The following PLEKHA5 variants were observed in gnomAD, a reference collection of about 807,000 sequenced individuals.
PLEKHA5 encodes pleckstrin homology domain-containing family A member 5.
PLEKHA5 carries 55 observed loss-of-function variants against 181.9 expected under a neutral mutation model. That is an observed-to-expected ratio of 0.30 (90% CI 0.24 to 0.38). PLEKHA5 has a LOEUF of 0.38. Among genes scored for constraint, PLEKHA5 ranks in the 10% least tolerant of loss-of-function variants. The pLI, the probability that PLEKHA5 is intolerant of heterozygous loss-of-function variation, is 1.00. For synonymous variants in PLEKHA5, 535 were observed against 529.4 expected, an observed-to-expected ratio of 1.01 and a Z score of -0.15; for missense variants, 1,432 against 1,549.5, an observed-to-expected ratio of 0.92 and a Z score of 1.27.
At chr12:19,342,692 A>G (rs1446963088) in intron 21 of PLEKHA5, among the ~76,000 whole-genome samples, 1 of 152,078 alleles carries the variant, frequency 6.6e-6, no homozygotes, top group East Asian at 1.9e-4. Flanking sequence ...CAGCAGAATC[A>G]CTTGCGCCCA....
chr12:19,367,113 T>G (rs1165659729), intron 30 of PLEKHA5, among the ~76,000 whole-genome samples: 1 of 152,078 alleles, frequency 6.6e-6, no homozygotes, highest in African/African-American at 2.4e-5. Flanking sequence ...CTGGAACTCC[T>G]GACCTCCAGT....
At chr12:19,224,950 A>G (rs1032088559) in intron 3 of PLEKHA5, among the ~76,000 whole-genome samples, 4 of 152,126 alleles carry the variant, frequency 2.6e-5, no homozygotes, top group African/African-American at 4.8e-5. Flanking sequence ...ATAGTGTGCT[A>G]TTGTGACTGT....
intron 15 of PLEKHA5, chr12:19,307,366 G>C: frequency 1.4e-5 from 4 of 278,730 alleles, no homozygotes; most frequent in Non-Finnish European, 2.7e-5. Flanking sequence ...CAAATACTTA[G>C]GAGGCTGAGG....
chr12:19,238,660 A>C (rs1397971717), intron 3 of PLEKHA5, among the ~76,000 whole-genome samples: 1 of 152,130 alleles, frequency 6.6e-6, no homozygotes. Context: ...GTGATGATGA[A>C]TTGGAATATT....
Position 19,310,831 on chromosome 12 carries a change from G to A in PLEKHA5, c.2038-3983G>A, listed in dbSNP as rs543056647. On this transcript the variant is annotated intron_variant, in intron 15 of 31. Transcript: ENST00000429027. ...TGCCTGTAAAAGTAATGATTATACT[G>A]TATTCTGTTAAATGTGCAATAGCAT... Among the ~76,000 whole-genome samples the A allele has an allele frequency of 5.3e-5, 8 of 152,098 alleles. 1 individual carries two copies. In the East Asian group the frequency reaches 1.2e-3, roughly 22 times the overall value.
At chr12:19,221,838 G>A (rs192029477) in intron 3 of PLEKHA5, among the ~76,000 whole-genome samples, 135 of 152,204 alleles carry the variant, frequency 8.9e-4, no homozygotes, top group African/African-American at 3.1e-3. Flanking sequence ...GAAAGTCTGG[G>A]GAACTATCAT....
chr12:19,244,598 C>G (rs1295532051), intron 3 of PLEKHA5, among the ~76,000 whole-genome samples: 2 of 152,180 alleles, frequency 1.3e-5, no homozygotes, highest in African/African-American at 4.8e-5. Context: ...TTCTATTTTT[C>G]TTAAACTAAA....
At chr12:19,246,911 G>A (rs911492355) in intron 3 of PLEKHA5, among the ~76,000 whole-genome samples, 36 of 151,916 alleles carry the variant, frequency 2.4e-4, no homozygotes, top group Non-Finnish European at 4.0e-4. Flanking sequence ...CACTTTTATG[G>A]GCTTTTATTA....
intron 3 of PLEKHA5, among the ~76,000 whole-genome samples, chr12:19,147,983 T>A (rs1262891010): frequency 6.8e-6 from 1 of 146,866 alleles, no homozygotes; most frequent in Admixed American, 7.0e-5. Context: ...GCCATTCTCT[T>A]GCCTTGGCCT....
intron 3 of PLEKHA5, among the ~76,000 whole-genome samples, chr12:19,217,513 A>G (rs1356051600): frequency 6.6e-6 from 1 of 152,176 alleles, no homozygotes; most frequent in African/African-American, 2.4e-5. Context: ...ATTGTGGGAT[A>G]AGGTAGGGAT....
At chr12:19,310,105 A>G (rs986533626) in intron 15 of PLEKHA5, among the ~76,000 whole-genome samples, 4 of 152,176 alleles carry the variant, frequency 2.6e-5, no homozygotes, top group African/African-American at 4.8e-5. Context: ...GTAAATCTGT[A>G]TTACCTGTTA....
chr12:19,193,046 A>C (rs543407409), intron 3 of PLEKHA5, among the ~76,000 whole-genome samples: 1 of 152,184 alleles, frequency 6.6e-6, no homozygotes, highest in Non-Finnish European at 1.5e-5. Flanking sequence ...AATATTTACT[A>C]TCTGGTCCTG....
intron 11 of PLEKHA5, among the ~76,000 whole-genome samples, chr12:19,278,142 A>G (rs2075101910): frequency 6.6e-6 from 1 of 152,226 alleles, no homozygotes; most frequent in South Asian, 2.1e-4. Context: ...TTGCTTGATA[A>G]TAATTTAATT....
intron 11 of PLEKHA5, among the ~76,000 whole-genome samples, chr12:19,280,735 CTT>C (rs538185835): frequency 4.9e-5 from 7 of 142,972 alleles, no homozygotes; most frequent in Admixed American, 7.0e-5. Context: ...TTTTCTTTTT[CTT>C]TTTTTTTTTT....
chr12:19,347,263 C>A lies in PLEKHA5; in HGVS notation c.2898+81C>A, dbSNP rs1028059956. The A allele has an allele frequency of 1.4e-5, 11 of 809,630 alleles. No homozygotes were observed. In the African/African-American group the frequency reaches 1.9e-4, roughly 14 times the overall value. 50.2% of individuals were successfully genotyped at this position (809,630 alleles called of 1,614,324 possible). ...AAAATTAATTTATTTTACACTCAAA[C>A]TTTTTTTTTATTATAACCTTTATAA... On this transcript the variant is annotated intron_variant, in intron 24 of 31. Transcript: ENST00000429027.
chr12:19,239,063 A>G (rs2061953971), intron 3 of PLEKHA5, among the ~76,000 whole-genome samples: 1 of 152,202 alleles, frequency 6.6e-6, no homozygotes, highest in South Asian at 2.1e-4. Flanking sequence ...TTATAGTCTT[A>G]AACTATATTT....
At chr12:19,133,654 A>G (rs1279697890) in intron 3 of PLEKHA5, among the ~76,000 whole-genome samples, 1 of 151,994 alleles carries the variant, frequency 6.6e-6, no homozygotes, top group African/African-American at 2.4e-5. Flanking sequence ...TAAAACGTCA[A>G]GGGCTTTTTT....
chr12:19,306,787 C>G (rs1212942245), intron 15 of PLEKHA5: 3 of 876,090 alleles, frequency 3.4e-6, no homozygotes, highest in Non-Finnish European at 5.8e-6. Flanking sequence ...TTCCATGATC[C>G]AGACTCAGCA....
At position 19,323,827 on chromosome 12, in the gene PLEKHA5, AAAAAAG is replaced by A. The variant is rs1193181191; in HGVS notation, c.2448+1164_2448+1169del. ...TGAGACTCTGTTTCAAAAAAAAAAA[AAAAAAG>A]AAAGAAATGTACGTAACAGAACCGT... On this transcript the variant is annotated intron_variant, in intron 20 of 31. Coordinates refer to ENST00000429027, the MANE Select transcript of PLEKHA5 (RefSeq NM_001256470.2). Among the ~76,000 whole-genome samples the A allele has an allele frequency of 2.0e-5, 3 of 152,032 alleles. No homozygotes were observed. The South Asian group carries it at 6.2e-4, about 32-fold the overall frequency.
Sources: gnomAD v4.1 joint callset for allele counts (sites outside exome capture counted in the v4.1 genomes callset) on GRCh38, gnomAD v4.1.1 for gene constraint, MANE v1.5 for transcripts, NCBI Gene and HGNC (gene_info 2026-07-23, HGNC 2026-07-21) for gene names.